LRIG1: variants seen among roughly 807,000 people sequenced by gnomAD.
LRIG1 encodes leucine rich repeats and immunoglobulin like domains 1.
Under a neutral mutation model 99.2 loss-of-function variants are expected in LRIG1, and 48 were observed. The observed-to-expected ratio is 0.48, with a 90% CI of 0.38 to 0.62. The LOEUF is 0.62. Ranked by LOEUF, LRIG1 falls within the 20% of genes least tolerant of loss-of-function variation. The probability of loss-of-function intolerance (pLI) is 0.00; values close to 1 mark genes in which losing one functional copy is unlikely to be tolerated. For synonymous variants in LRIG1, 772 were observed against 596.1 expected, an observed-to-expected ratio of 1.29 and a Z score of -4.30; for missense variants, 1,646 against 1,434.4, an observed-to-expected ratio of 1.15 and a Z score of -2.38.
At chr3:66,420,425 A>C (rs898708440) in intron 3 of LRIG1, among the ~76,000 whole-genome samples, 3 of 152,212 alleles carry the variant, frequency 2.0e-5, no homozygotes, top group African/African-American at 7.2e-5. Flanking sequence ...CAAAAAATTA[A>C]ACAGAGGCAC....
chr3:66,399,950 C>T (rs1701995864), intron 9 of LRIG1, among the ~76,000 whole-genome samples: 1 of 152,218 alleles, frequency 6.6e-6, no homozygotes, highest in South Asian at 2.1e-4. Flanking sequence ...GAGCTGTGTC[C>T]CTGCCTACGA....
At chr3:66,433,996 A>T (rs1201583580) in intron 3 of LRIG1, among the ~76,000 whole-genome samples, 1 of 152,370 alleles carries the variant, frequency 6.6e-6, no homozygotes, top group African/African-American at 2.4e-5. Flanking sequence ...CTTTTAAGAG[A>T]AAACACAAGA....
At position 66,383,307 on chromosome 3, in the gene LRIG1, G is replaced by C. The variant is rs765839361; in HGVS notation, c.2166C>G (p.Pro722=). 2.5e-6 allele frequency: 4 copies of C among 1,606,664 alleles called. No homozygotes were observed. The highest frequency in any genetic ancestry group is 3.4e-6 in the Non-Finnish European group (4 of 1,173,866). Residue 722 remains proline (P), a synonymous_variant, in exon 15 of 19, where the codon CCC becomes CCG. Transcript: ENST00000273261. ...LQCKATGNPP[P]RITWFKGDRP... ...GGTCCCCCTTGAACCAGGTGATGCG[G>C]GGCGGAGGGTTCCCCGTGGCTTTGC... is the stretch of plus-strand genomic sequence containing the variant.
intron 9 of LRIG1, chr3:66,404,254 T>C (rs1432737219): frequency 1.6e-6 from 2 of 1,289,314 alleles, no homozygotes; most frequent in Admixed American, 2.3e-5. Flanking sequence ...TCCTCTATCA[T>C]CGAGCTCCAC....
chr3:66,441,401 C>CAAGA (rs1393443034), intron 3 of LRIG1, among the ~76,000 whole-genome samples: 1 of 152,072 alleles, frequency 6.6e-6, no homozygotes, highest in Admixed American at 6.5e-5. Context: ...GACCTGACGA[C>CAAGA]AAGAGTGTTT....
intron 9 of LRIG1, among the ~76,000 whole-genome samples, chr3:66,402,683 C>T (rs1702105088): frequency 1.3e-5 from 2 of 152,322 alleles, no homozygotes; most frequent in South Asian, 4.1e-4. Flanking sequence ...AATGAAGGGA[C>T]TCAGGCACTG....
chr3:66,388,722 C>T (rs956506819), intron 12 of LRIG1, among the ~76,000 whole-genome samples: 3 of 151,948 alleles, frequency 2.0e-5, no homozygotes, highest in Non-Finnish European at 2.9e-5. Context: ...GAAAGAAAAA[C>T]GTTCAACTAT....
intron 1 of LRIG1, chr3:66,469,017 A>G (rs1400414795): frequency 6.6e-6 from 1 of 152,212 alleles, no homozygotes; most frequent in Non-Finnish European, 1.5e-5. Context: ...CCCCTTGTTA[A>G]CCAAAAACCA....
chr3:66,442,757 G>A (rs886302541), intron 3 of LRIG1, among the ~76,000 whole-genome samples: 6 of 152,216 alleles, frequency 3.9e-5, no homozygotes, highest in African/African-American at 7.2e-5. Context: ...AGAGGCGGGC[G>A]GGGTGGTGGA....
intron 3 of LRIG1, among the ~76,000 whole-genome samples, chr3:66,450,712 T>C (rs1471593601): frequency 6.6e-6 from 1 of 152,194 alleles, no homozygotes; most frequent in Non-Finnish European, 1.5e-5. Flanking sequence ...GTGAGCAAAC[T>C]AATTATAAAA....
chr3:66,465,791 C>T (rs897305070), intron 1 of LRIG1, among the ~76,000 whole-genome samples: 1 of 152,154 alleles, frequency 6.6e-6, no homozygotes, highest in Admixed American at 6.5e-5. Context: ...CACCACCGTC[C>T]ATCTCCAGAA....
chr3:66,385,921 G>C, intron 13 of LRIG1, 60 bp downstream of exon 13: 1 of 1,449,514 alleles, frequency 6.9e-7, no homozygotes, highest in Non-Finnish European at 9.6e-7. Flanking sequence ...AAGCTGAAAG[G>C]GCAATCAGGA....
intron 5 of LRIG1, among the ~76,000 whole-genome samples, chr3:66,413,344 T>C (rs549952286): frequency 6.6e-6 from 1 of 152,308 alleles, no homozygotes; most frequent in African/African-American, 2.4e-5. Flanking sequence ...CATTTGTGAC[T>C]CTGCAGTGAG....
At chr3:66,427,918 C>G (rs1285823756) in intron 3 of LRIG1, among the ~76,000 whole-genome samples, 1 of 152,172 alleles carries the variant, frequency 6.6e-6, no homozygotes, top group African/African-American at 2.4e-5. Flanking sequence ...GCTACTTCCA[C>G]TCAACATTGT....
intron 6 of LRIG1, among the ~76,000 whole-genome samples, chr3:66,411,080 CAA>C (rs1702449437): frequency 6.6e-6 from 1 of 152,156 alleles, no homozygotes; most frequent in Non-Finnish European, 1.5e-5. Context: ...AAGAAGGAAA[CAA>C]GGGTACATCA....
In LRIG1 at chr3:66,380,579, T is replaced by C; in HGVS notation, c.3053A>G (p.Lys1018Arg). Residue 1018 changes from lysine (K) to arginine (R), a missense_variant and splice_region_variant, in exon 18 of 19, where the codon AAA becomes AGA. Physicochemically the swap from Lys to Arg is conservative, Grantham distance 26 (BLOSUM62 2). Coordinates refer to ENST00000273261, the MANE Select transcript of LRIG1 (RefSeq NM_015541.3). ...GTTAGAAGACAGTCAAAAGTTACCT[T>C]TCCCATCTAGAGATGCCATTGGCTT... The part of the protein sequence containing the change: ...KKKPMASLDG[K>R]GDSSWTLARL... 6.2e-7 allele frequency: 1 copy of C among 1,613,488 alleles called. No homozygotes were observed. Among genetic ancestry groups the C allele is most frequent in the East Asian group, 2.2e-5 (1 of 44,868 alleles).
intron 12 of LRIG1, among the ~76,000 whole-genome samples, chr3:66,391,238 T>C (rs1036450191): frequency 6.6e-6 from 1 of 152,188 alleles, no homozygotes; most frequent in Non-Finnish European, 1.5e-5. Context: ...GAAGCCACTC[T>C]GGAAAACAGT....
At chr3:66,449,486 GC>G (rs1288918578) in intron 3 of LRIG1, among the ~76,000 whole-genome samples, 2 of 152,176 alleles carry the variant, frequency 1.3e-5, no homozygotes, top group Non-Finnish European at 2.9e-5. Flanking sequence ...TAATGGAATA[GC>G]AGGAACAAGG....
Position 66,380,731 on chromosome 3 carries a change from C to A in LRIG1, c.2901G>T (p.Pro967=), listed in dbSNP as rs139171178. The part of the protein sequence containing the change: ...AQPSAPNGPE[P]GGSDQEHSPH... ...GAGAATGCTCTTGGTCACTCCCACC[C>A]GGCTCCGGGCCATTTGGCGCACTTG... The change falls in exon 18 of 19, where the codon CCG becomes CCT. Residue 967 remains proline, a synonymous_variant. Transcript: ENST00000273261. The A allele has an allele frequency of 2.0e-5, 32 of 1,614,074 alleles. No homozygotes were observed. The highest frequency in any genetic ancestry group is 2.5e-5 in the Non-Finnish European group (30 of 1,180,030).
Sources: gnomAD v4.1 joint callset for allele counts (sites outside exome capture counted in the v4.1 genomes callset) on GRCh38, gnomAD v4.1.1 for gene constraint, MANE v1.5 for transcripts, NCBI Gene and HGNC (gene_info 2026-07-23, HGNC 2026-07-21) for gene names.